The following CAMTA1 variants were observed in gnomAD, a reference collection of about 807,000 sequenced individuals.
The protein encoded by CAMTA1 is calmodulin-binding transcription activator 1.
Under a neutral mutation model 170.9 loss-of-function variants are expected in CAMTA1, and 27 were observed. The observed-to-expected ratio is 0.16, with a 90% CI of 0.12 to 0.22. CAMTA1 has a LOEUF of 0.22. Among genes scored for constraint, CAMTA1 ranks in the 10% least tolerant of loss-of-function variants. CAMTA1 has a pLI of 1.00. For missense variants in CAMTA1, 1,619 were observed against 2,217.2 expected (o/e 0.73, Z 5.42); for synonymous variants, 833 against 891.5 (o/e 0.93, Z 1.17).
At chr1:7,765,238 A>G (rs1182713441) in intron 22 of CAMTA1, among the ~76,000 whole-genome samples, 1 of 152,154 alleles carries the variant, frequency 6.6e-6, no homozygotes, top group Non-Finnish European at 1.5e-5. Flanking sequence ...ATTGCCTTAC[A>G]TTTGATCATT....
At position 7,748,927 on chromosome 1, in the gene CAMTA1, C is replaced by T. The variant is rs1243418153; in HGVS notation, c.4689+1146C>T. Among the ~76,000 whole-genome samples, 2 of 152,084 alleles carry T rather than the reference C, an allele frequency of 1.3e-5. No homozygotes were observed. Among genetic ancestry groups the T allele is most frequent in the South Asian group, 2.1e-4 (1 of 4,818 alleles). ...TATGCACTAGATTTTTTAGGTGCCC[C>T]ATCTCATTTCCTTTTTACAATTATT... On this transcript the variant is annotated intron_variant, in intron 19 of 22. Transcript: ENST00000303635. The surrounding 1 kb of genome is among the most constrained non-coding windows in gnomAD (Gnocchi z 4.7).
At chr1:7,209,052 C>A (rs1350774401) in intron 4 of CAMTA1, among the ~76,000 whole-genome samples, 1 of 152,030 alleles carries the variant, frequency 6.6e-6, no homozygotes, top group Non-Finnish European at 1.5e-5. Flanking sequence ...AAGGCCCCAC[C>A]CTTTCTCCTA....
intron 5 of CAMTA1, among the ~76,000 whole-genome samples, chr1:7,321,952 G>A (rs1365015627): frequency 6.6e-6 from 1 of 152,174 alleles, no homozygotes; most frequent in Non-Finnish European, 1.5e-5. Flanking sequence ...TTGAGTCGAG[G>A]CACCAGTTAC....
intron 3 of CAMTA1, among the ~76,000 whole-genome samples, chr1:6,897,196 A>C (rs1220106512): frequency 2.0e-5 from 3 of 152,206 alleles, no homozygotes; most frequent in African/African-American, 7.2e-5. Flanking sequence ...GCACAGGCAG[A>C]GTCAGGAAAG....
chr1:7,216,635 C>A lies in CAMTA1; in HGVS notation c.303-32856C>A, dbSNP rs1208929479. Among the ~76,000 whole-genome samples the A allele has an allele frequency of 6.6e-6, 1 of 152,094 alleles. No homozygotes were observed. The highest frequency in any genetic ancestry group is 6.5e-5 in the Admixed American group (1 of 15,272). On this transcript the variant is annotated intron_variant, in intron 4 of 22. Transcript: ENST00000303635. This position sits in a 1 kb window ranked among gnomAD's most constrained non-coding sequence, Gnocchi z 4.0. Reference sequence around the variant, plus strand: ...AAGCAATCCTTGTGCCTCAGCCTCCCGAATGGCTGAGACTACAGGCAGGTA... The same window carrying A: ...AAGCAATCCTTGTGCCTCAGCCTCCAGAATGGCTGAGACTACAGGCAGGTA...
At chr1:7,600,004 T>G (rs1217689640) in intron 6 of CAMTA1, among the ~76,000 whole-genome samples, 2 of 152,196 alleles carry the variant, frequency 1.3e-5, no homozygotes, top group Non-Finnish European at 1.5e-5. Context: ...AGAGAGTGCA[T>G]CCCTGTCTTG....
intron 5 of CAMTA1, among the ~76,000 whole-genome samples, chr1:7,395,510 C>A (rs2089226640): frequency 6.6e-6 from 1 of 151,972 alleles, no homozygotes; most frequent in African/African-American, 2.4e-5. Context: ...ATGTGATGGA[C>A]CCTCTGGCTT....
At position 7,598,300 on chromosome 1, in the gene CAMTA1, G is replaced by A. The variant is rs533614993; in HGVS notation, c.511-42100G>A. Among the ~76,000 whole-genome samples, 12 of 152,316 alleles carry A rather than the reference G, an allele frequency of 7.9e-5. No individual in the cohort carries two copies. The South Asian group carries it at 2.5e-3, about 32-fold the overall frequency. Reference sequence around the variant, plus strand: ...TTATGGCTGCATAGTATTCCATGGTGTATATGTGCCACATTTTCTTAATCC... The same window carrying A: ...TTATGGCTGCATAGTATTCCATGGTATATATGTGCCACATTTTCTTAATCC... On this transcript the variant is annotated intron_variant, in intron 6 of 22. Coordinates refer to ENST00000303635, the MANE Select transcript of CAMTA1 (RefSeq NM_015215.4).
chr1:6,799,756 A>G (rs1352143557), intron 1 of CAMTA1, among the ~76,000 whole-genome samples: 1 of 152,160 alleles, frequency 6.6e-6, no homozygotes, highest in African/African-American at 2.4e-5. Flanking sequence ...TACTGTAATA[A>G]AAGTTGTGTG....
chr1:7,662,771 C>T (rs1347195072), intron 8 of CAMTA1, among the ~76,000 whole-genome samples: 1 of 152,160 alleles, frequency 6.6e-6, no homozygotes, highest in Non-Finnish European at 1.5e-5. Flanking sequence ...GCCTCTGGAG[C>T]AGGGTCGAGA....
intron 1 of CAMTA1, among the ~76,000 whole-genome samples, chr1:6,786,137 C>T (rs1256602499): frequency 2.0e-5 from 3 of 152,118 alleles, no homozygotes; most frequent in African/African-American, 2.4e-5. Context: ...GCACCCTCTT[C>T]AGCCCCGTGG....
chr1:6,907,761 C>T (rs1470229913), intron 3 of CAMTA1, among the ~76,000 whole-genome samples: 1 of 152,140 alleles, frequency 6.6e-6, no homozygotes, highest in African/African-American at 2.4e-5. Flanking sequence ...GGCATGTGCC[C>T]CGTGACTGGC....
chr1:7,322,185 G>C (rs1454183080), intron 5 of CAMTA1, among the ~76,000 whole-genome samples: 2 of 152,222 alleles, frequency 1.3e-5, no homozygotes, highest in Admixed American at 1.3e-4. Context: ...TTGGTTGCCT[G>C]TCTAACCTGC....
intron 6 of CAMTA1, among the ~76,000 whole-genome samples, chr1:7,471,623 TG>T (rs1430967903): frequency 6.6e-6 from 1 of 152,222 alleles, no homozygotes; most frequent in Non-Finnish European, 1.5e-5. Flanking sequence ...GGTCACCCAG[TG>T]GGTCAGGGGA....
intron 3 of CAMTA1, among the ~76,000 whole-genome samples, chr1:6,919,235 G>C (rs1681467016): frequency 6.6e-6 from 1 of 152,182 alleles, no homozygotes; most frequent in Non-Finnish European, 1.5e-5. Context: ...CTTTTTGTTT[G>C]ATCCTTCACC....
rs1292469944 is a variant in CAMTA1, at chr1:7,547,283, C to T, written c.510+79382C>T. Among the ~76,000 whole-genome samples, 1 of 151,696 alleles carries T rather than the reference C, an allele frequency of 6.6e-6. No individual in the cohort carries two copies. Among genetic ancestry groups the T allele is most frequent in the Non-Finnish European group, 1.5e-5 (1 of 67,992 alleles). On this transcript the variant is annotated intron_variant, in intron 6 of 22. Transcript: ENST00000303635. The surrounding 1 kb of genome is among the most constrained non-coding windows in gnomAD (Gnocchi z 5.7). ...GGTGTTTAGAAGCCAAGATCTGGGCCTGAGTATGCTCACTGCTCCCAGGCC... is the reference window on the plus strand; with the variant it reads ...GGTGTTTAGAAGCCAAGATCTGGGCTTGAGTATGCTCACTGCTCCCAGGCC...
At chr1:6,867,219 C>G (rs577064083) in intron 3 of CAMTA1, among the ~76,000 whole-genome samples, 2 of 152,100 alleles carry the variant, frequency 1.3e-5, no homozygotes, top group African/African-American at 4.8e-5. Context: ...TCCTTCTGCC[C>G]ACCCTTCTCC....
chr1:7,426,498 CA>C lies in CAMTA1; in HGVS notation c.439-41330del, dbSNP rs1041024454. The stretch of plus-strand genomic sequence containing the variant: ...ATTCGATTGATACTACTTGTTAGAT[CA>C]AGCGGAGGGCCCTGGCCAGGGCTGA... On this transcript the variant is annotated intron_variant, in intron 5 of 22. Coordinates refer to ENST00000303635, the MANE Select transcript of CAMTA1 (RefSeq NM_015215.4). This position sits in a 1 kb window ranked among gnomAD's most constrained non-coding sequence, Gnocchi z 4.8. 1.3e-5 allele frequency among the ~76,000 whole-genome samples: 2 copies of C among 152,234 alleles called. No homozygotes were observed. The highest frequency in any genetic ancestry group is 4.8e-5 in the African/African-American group (2 of 41,460).
rs376430739 is a variant in CAMTA1, at chr1:7,737,582, G to A, written c.3658+12G>A. 1.5e-5 allele frequency: 24 copies of A among 1,592,980 alleles called. No individual in the cohort carries two copies. The highest frequency in any genetic ancestry group is 2.0e-5 in the Non-Finnish European group (23 of 1,167,902). ...AAGCACCAACCCAGGTAAGAATTCA[G>A]AATCATGACATCTCAGAGCTTGACA... On this transcript the variant is annotated intron_variant, in intron 15 of 22. Coordinates refer to ENST00000303635, the MANE Select transcript of CAMTA1 (RefSeq NM_015215.4).
Sources: allele counts gnomAD v4.1 joint callset (sites outside exome capture counted in the v4.1 genomes callset), GRCh38; gene constraint gnomAD v4.1.1; non-coding constraint Gnocchi (gnomAD v3.1); transcripts MANE v1.5; gene names NCBI Gene and HGNC (gene_info 2026-07-23, HGNC 2026-07-21).